SCFD2: variants seen among roughly 807,000 people sequenced by gnomAD.
The protein encoded by SCFD2 is sec1 family domain containing 2, also known as sec1 family domain-containing protein 2.
A neutral mutation model predicts 58.9 loss-of-function variants in SCFD2; 54 were observed. The ratio of observed to expected loss-of-function variants is 0.92; its 90% CI spans 0.74 to 1.15. The LOEUF is 1.15. Among genes scored for constraint, SCFD2 ranks in the 50% most tolerant of loss-of-function variants. SCFD2 has a pLI of 0.00. For missense variants in SCFD2, 805 were observed against 836.6 expected (o/e 0.96, Z 0.47); for synonymous variants, 321 against 335.9 (o/e 0.96, Z 0.49).
At chr4:53,255,221 A>T (rs1730567141) in intron 4 of SCFD2, among the ~76,000 whole-genome samples, 1 of 148,658 alleles carries the variant, frequency 6.7e-6, no homozygotes, top group South Asian at 2.1e-4. Context: ...TTATTTATTT[A>T]TTTATTTTTT....
chr4:53,133,142 C>A (rs1020707812), intron 5 of SCFD2, among the ~76,000 whole-genome samples: 6 of 151,994 alleles, frequency 3.9e-5, no homozygotes, highest in African/African-American at 1.4e-4. Flanking sequence ...TCCTGGCTAA[C>A]ACAGTGAAAC....
chr4:53,001,694 G>A (rs1019571559), intron 5 of SCFD2, among the ~76,000 whole-genome samples: 5 of 152,158 alleles, frequency 3.3e-5, no homozygotes, highest in African/African-American at 7.2e-5. Flanking sequence ...CAAAATTGAC[G>A]TTAAATTCCT....
intron 4 of SCFD2, among the ~76,000 whole-genome samples, chr4:53,230,498 C>T (rs1440734932): frequency 2.0e-5 from 3 of 152,048 alleles, no homozygotes; most frequent in Non-Finnish European, 4.4e-5. Flanking sequence ...TGGAAACCAT[C>T]ATTCTCAGCA....
intron 5 of SCFD2, among the ~76,000 whole-genome samples, chr4:52,921,784 G>A (rs951282287): frequency 2.6e-5 from 4 of 152,164 alleles, no homozygotes; most frequent in Non-Finnish European, 5.9e-5. Context: ...ATGTCAGGCA[G>A]TTAGTCTGTC....
chr4:53,229,337 A>C (rs976873679), intron 4 of SCFD2, among the ~76,000 whole-genome samples: 10 of 152,226 alleles, frequency 6.6e-5, no homozygotes, highest in African/African-American at 2.4e-4. Flanking sequence ...GAAAGAACAA[A>C]GCTGGAGGCA....
chr4:53,141,523 T>C (rs1308084596), intron 5 of SCFD2, among the ~76,000 whole-genome samples: 2 of 152,102 alleles, frequency 1.3e-5, no homozygotes, highest in Non-Finnish European at 2.9e-5. Flanking sequence ...CTTTCACAAG[T>C]GCAGATGTAT....
chr4:52,886,221 C>T (rs1349348230), intron 7 of SCFD2, among the ~76,000 whole-genome samples: 5 of 151,850 alleles, frequency 3.3e-5, no homozygotes, highest in Admixed American at 1.3e-4. Flanking sequence ...TTGTTTTAGC[C>T]TTTTTTTTGC....
intron 5 of SCFD2, among the ~76,000 whole-genome samples, chr4:53,005,449 C>G (rs1235897867): frequency 6.6e-6 from 1 of 152,194 alleles, no homozygotes; most frequent in Non-Finnish European, 1.5e-5. Flanking sequence ...GCACCCTCAA[C>G]CACTTCCACT....
chr4:53,300,460 A>C lies in SCFD2; in HGVS notation c.1135+13176T>G, dbSNP rs376007517. ...CCAGATTCATAAAGCAAGTCCTTAG[A>C]GACCTACAAAGAGACTTAGACTCCC... is the stretch of plus-strand genomic sequence containing the variant. On this transcript the variant is annotated intron_variant, in intron 3 of 8. Transcript: ENST00000401642. 5.9e-5 allele frequency among the ~76,000 whole-genome samples: 9 copies of C among 152,316 alleles called. No individual in the cohort carries two copies. In the East Asian group the frequency reaches 1.5e-3, roughly 26 times the overall value.
intron 5 of SCFD2, among the ~76,000 whole-genome samples, chr4:53,062,903 T>A (rs1325037077): frequency 6.6e-6 from 1 of 152,166 alleles, no homozygotes; most frequent in African/African-American, 2.4e-5. Flanking sequence ...CAAAGCTGGC[T>A]TTATTACATG....
At chr4:52,993,095 C>T (rs1721660134) in intron 5 of SCFD2, among the ~76,000 whole-genome samples, 1 of 152,104 alleles carries the variant, frequency 6.6e-6, no homozygotes, top group African/African-American at 2.4e-5. Flanking sequence ...TAACCTTACC[C>T]CCAACCCCCT....
chr4:52,969,665 T>C (rs1319707728), intron 5 of SCFD2, among the ~76,000 whole-genome samples: 1 of 152,168 alleles, frequency 6.6e-6, no homozygotes, highest in African/African-American at 2.4e-5. Flanking sequence ...TGTGGAAGTG[T>C]GTGTCCTGAT....
intron 3 of SCFD2, among the ~76,000 whole-genome samples, chr4:53,311,932 C>T (rs1732705744): frequency 6.6e-6 from 1 of 152,052 alleles, no homozygotes; most frequent in South Asian, 2.1e-4. Context: ...CTGCGTCCGG[C>T]CGATTCACAA....
At chr4:52,994,424 A>G (rs1486254215) in intron 5 of SCFD2, among the ~76,000 whole-genome samples, 1 of 152,202 alleles carries the variant, frequency 6.6e-6, no homozygotes. Flanking sequence ...AGTCAATTAA[A>G]CATTGCCCAA....
intron 3 of SCFD2, among the ~76,000 whole-genome samples, chr4:53,300,347 A>G (rs909087312): frequency 6.6e-6 from 1 of 152,192 alleles, no homozygotes; most frequent in Non-Finnish European, 1.5e-5. Flanking sequence ...CAAAAGAGAC[A>G]AAGAAGGTCA....
chr4:53,338,612 G>A (rs1180164169), intron 2 of SCFD2, among the ~76,000 whole-genome samples: 4 of 79,216 alleles, frequency 5.0e-5, no homozygotes, highest in Non-Finnish European at 5.6e-5. Flanking sequence ...ATGGAGTCTC[G>A]CTCTGTCGCC....
intron 3 of SCFD2, among the ~76,000 whole-genome samples, chr4:53,303,767 C>G (rs528232980): frequency 5.3e-5 from 8 of 151,908 alleles, no homozygotes; most frequent in South Asian, 4.2e-4. Context: ...GAATACTATG[C>G]AGCCATAAAA....
chr4:52,878,142 C>T (rs976699461), intron 8 of SCFD2, among the ~76,000 whole-genome samples: 7 of 152,342 alleles, frequency 4.6e-5, no homozygotes, highest in Non-Finnish European at 1.0e-4. Context: ...CTGTTGGTAT[C>T]TCACGGTATT....
chr4:53,207,491 T>TCAGGAAAAA lies in SCFD2; in HGVS notation c.1312-61910_1312-61909insTTTTTCCTG, dbSNP rs1423322157. On this transcript the variant is annotated intron_variant, in intron 4 of 8. Transcript: ENST00000401642. Reference sequence around the variant, plus strand: ...TAGTTTGAAATATATTATATATATATTTCATATATATATATTATATATATT... The same window carrying TCAGGAAAAA: ...TAGTTTGAAATATATTATATATATATCAGGAAAAATTCATATATATATATTATATATATT... Among the ~76,000 whole-genome samples the TCAGGAAAAA allele has an allele frequency of 1.1e-3, 25 of 21,784 alleles. 9 individuals carry two copies. Among genetic ancestry groups the TCAGGAAAAA allele is most frequent in the Admixed American group, 3.1e-3 (3 of 966 alleles). The allele number at this position is 21,784 out of a possible 152,430, so 14.3% of individuals were successfully genotyped here. A position where few individuals can be genotyped will look rare whatever the true frequency, so the allele number is the denominator to read the frequency against.
Sources: allele counts gnomAD v4.1 joint callset (sites outside exome capture counted in the v4.1 genomes callset), GRCh38; gene constraint gnomAD v4.1.1; transcripts MANE v1.5; gene names NCBI Gene and HGNC (gene_info 2026-07-23, HGNC 2026-07-21).